DGKE: variants seen among roughly 807,000 people sequenced by gnomAD.
DGKE encodes the protein diacylglycerol kinase epsilon.
Under a neutral mutation model 70.0 loss-of-function variants are expected in DGKE, and 53 were observed. That is an observed-to-expected ratio of 0.76 (90% confidence interval 0.61 to 0.95). The LOEUF (loss-of-function observed/expected upper bound fraction) is 0.95. DGKE is among the 40% of genes least tolerant of loss of function. DGKE has a pLI of 0.00. For missense variants in DGKE, 655 were observed against 706.9 expected (o/e 0.93, Z 0.83); for synonymous variants, 291 against 257.0 (o/e 1.13, Z -1.27).
At chr17:56,843,869 G>T in intron 2 of DGKE, 150 bp from the exon 3 acceptor site, 1 of 607,210 alleles carries the variant, frequency 1.6e-6, no homozygotes, top group South Asian at 2.9e-5. Context: ...CCATTTCACT[G>T]TGCAGATAGT....
chr17:56,842,745 C>T (rs1337822709), intron 2 of DGKE, among the ~76,000 whole-genome samples: 2 of 152,126 alleles, frequency 1.3e-5, no homozygotes, highest in African/African-American at 4.8e-5. Flanking sequence ...ATCCTCTTTT[C>T]TTTTTTATAT....
intron 2 of DGKE, 95 bp from the exon 3 acceptor site, chr17:56,843,924 T>C (rs1297392466): frequency 8.1e-7 from 1 of 1,232,938 alleles, no homozygotes; most frequent in African/African-American, 1.6e-5. Flanking sequence ...AGTGATAAAA[T>C]TATGTTTTAT....
chr17:56,834,748 G>A, intron 1 of DGKE, 30 bp from the exon 2 acceptor site: 1 of 1,530,348 alleles, frequency 6.5e-7, no homozygotes, highest in Non-Finnish European at 8.8e-7. Context: ...GGCGAGCTCG[G>A]GGTGCACCGC....
At chr17:56,848,219 G>A (rs1228014617) in intron 5 of DGKE, among the ~76,000 whole-genome samples, 154 bp downstream of exon 5, 6 of 151,964 alleles carry the variant, frequency 3.9e-5, no homozygotes, top group East Asian at 1.9e-4. Context: ...GTGCAGCGGC[G>A]CAGACACAGC....
rs1206176381 is a variant in DGKE, at chr17:56,866,761, G to T, written c.*3970G>T. 6.6e-6 allele frequency: 1 copy of T among 152,196 alleles called. No individual in the cohort carries two copies. Among genetic ancestry groups the T allele is most frequent in the Non-Finnish European group, 1.5e-5 (1 of 68,042 alleles). 9.4% of individuals were successfully genotyped at this position (152,196 alleles called of 1,614,324 possible). A position where few individuals can be genotyped will look rare whatever the true frequency, so the allele number is the denominator to read the frequency against. ...CACTGCAGTCAATGCAGCCACACTT[G>T]TGTATACTGAGTGCTGCTTCAGATC... On this transcript the variant is annotated 3_prime_UTR_variant, in exon 12 of 12. Transcript: ENST00000284061.
rs572953591 is a variant in DGKE at position 56,858,683 on chromosome 17, T to C, written c.1284+18T>C. The C allele has an allele frequency of 6.4e-6, 10 of 1,557,698 alleles. No individual in the cohort carries two copies. In the East Asian group the frequency reaches 1.4e-4, roughly 21 times the overall value. On this transcript the variant is annotated intron_variant, in intron 9 of 11. Transcript: ENST00000284061. Reference sequence around the variant, plus strand: ...AAGTTGAGGTAAGCTATTAACACTTTTTATTTTTTAAAGTTTTAGGTGGTC... The same window carrying C: ...AAGTTGAGGTAAGCTATTAACACTTCTTATTTTTTAAAGTTTTAGGTGGTC...
At chr17:56,852,054 T>G (rs1907682244) in intron 7 of DGKE, among the ~76,000 whole-genome samples, 1 of 148,962 alleles carries the variant, frequency 6.7e-6, no homozygotes, top group Admixed American at 6.7e-5. Flanking sequence ...GGTGACAGAG[T>G]GCAGATAAGA....
intron 7 of DGKE, among the ~76,000 whole-genome samples, chr17:56,855,835 C>A (rs942666563): frequency 3.3e-5 from 5 of 152,012 alleles, no homozygotes; most frequent in African/African-American, 1.2e-4. Context: ...GAAACCCCAT[C>A]TCTACTAAAA....
intron 3 of DGKE, 121 bp downstream of exon 3, chr17:56,844,299 A>G: frequency 1.6e-6 from 1 of 611,950 alleles, no homozygotes; most frequent in Non-Finnish European, 2.5e-6. Context: ...AACTTAAATA[A>G]CAGATCAAGA....
At chr17:56,853,274 G>A (rs569094343) in intron 7 of DGKE, among the ~76,000 whole-genome samples, 2 of 152,288 alleles carry the variant, frequency 1.3e-5, no homozygotes, top group African/African-American at 2.4e-5. Flanking sequence ...CCTTTGCTGT[G>A]TAGAATCTTT....
chr17:56,858,488 T>A, intron 8 of DGKE, 106 bp from the exon 9 acceptor site: 1 of 904,384 alleles, frequency 1.1e-6, no homozygotes, highest in Non-Finnish European at 1.6e-6. Flanking sequence ...ATAAGGAGAA[T>A]GTGTGCTTCA....
intron 2 of DGKE, among the ~76,000 whole-genome samples, chr17:56,837,497 T>C (rs970858620): frequency 5.3e-5 from 8 of 152,200 alleles, no homozygotes; most frequent in Non-Finnish European, 1.2e-4. Flanking sequence ...CTGTGTAATT[T>C]AGGAGATGTT....
chr17:56,857,550 A>G (rs1300502024), intron 8 of DGKE, among the ~76,000 whole-genome samples: 1 of 152,200 alleles, frequency 6.6e-6, no homozygotes, highest in Non-Finnish European at 1.5e-5. Flanking sequence ...TTTTATTAAT[A>G]TAGTTACTAA....
intron 3 of DGKE, 89 bp from the exon 4 acceptor site, chr17:56,845,601 A>C: frequency 7.4e-7 from 1 of 1,351,334 alleles, no homozygotes; most frequent in Non-Finnish European, 9.8e-7. Flanking sequence ...TATTTCAGCA[A>C]ATTATAGCAC....
At chr17:56,847,026 G>A (rs1907326654) in intron 4 of DGKE, among the ~76,000 whole-genome samples, 1 of 152,104 alleles carries the variant, frequency 6.6e-6, no homozygotes, top group South Asian at 2.1e-4. Flanking sequence ...CTGTTGAAAG[G>A]TAACACTGTC....
rs376469683 is a variant in DGKE, at chr17:56,834,892, C to T, written c.97C>T (p.Pro33Ser). 1.2e-5 allele frequency: 20 copies of T among 1,613,620 alleles called. No individual in the cohort carries two copies. Among genetic ancestry groups the T allele is most frequent in the African/African-American group, 6.7e-5 (5 of 74,936 alleles). The change falls in exon 2 of 12, where the codon CCG (proline) becomes TCG (serine). Residue 33 changes from proline (P) to serine (S), a missense_variant. By Grantham distance (74) the Pro-to-Ser change is moderately conservative. Transcript: ENST00000284061. ...ILWTLCSVLLPVFITFWCSLQ... is the reference protein window; with the variant it reads ...ILWTLCSVLLSVFITFWCSLQ... The stretch of plus-strand genomic sequence containing the variant: ...GTGGACGCTGTGCTCGGTCCTGCTG[C>T]CGGTGTTCATCACCTTCTGGTGTAG...
At chr17:56,851,388 A>G (rs1033728796) in intron 7 of DGKE, among the ~76,000 whole-genome samples, 1 of 152,246 alleles carries the variant, frequency 6.6e-6, no homozygotes, top group Non-Finnish European at 1.5e-5. Flanking sequence ...GCAAAGTGAG[A>G]TCACTGGCCC....
At chr17:56,851,214 A>G (rs192868132) in intron 7 of DGKE, among the ~76,000 whole-genome samples, 6 of 152,120 alleles carry the variant, frequency 3.9e-5, no homozygotes, top group Non-Finnish European at 5.9e-5. Flanking sequence ...CTGAAAATAG[A>G]AGGAGTGAGC....
intron 9 of DGKE, among the ~76,000 whole-genome samples, chr17:56,859,000 T>TA (rs1448959561): frequency 6.6e-6 from 1 of 152,200 alleles, no homozygotes; most frequent in Non-Finnish European, 1.5e-5. Flanking sequence ...GTTTAACTAT[T>TA]AGGGTGAGTG....
Sources: allele counts gnomAD v4.1 joint callset (sites outside exome capture counted in the v4.1 genomes callset), GRCh38; gene constraint gnomAD v4.1.1; transcripts MANE v1.5; gene names NCBI Gene and HGNC (gene_info 2026-07-23, HGNC 2026-07-21).